The following PKP4 variants were observed in gnomAD, a reference collection of about 807,000 sequenced individuals.
The protein encoded by PKP4 is plakophilin-4.
In PKP4, 90 loss-of-function variants were observed where a neutral mutation model predicts 145.1. That is an observed-to-expected ratio of 0.62 (90% CI 0.52 to 0.74). The LOEUF (loss-of-function observed/expected upper bound fraction) is 0.74. Ranked by LOEUF, PKP4 falls within the 30% of genes least tolerant of loss-of-function variation. PKP4 has a pLI of 0.00. For missense variants in PKP4, 1,340 were observed against 1,482.7 expected (o/e 0.90, Z 1.58); for synonymous variants, 563 against 577.2 (o/e 0.98, Z 0.35).
At chr2:158,663,188 T>C in intron 14 of PKP4, 84 bp from the exon 15 acceptor site, 2 of 1,518,886 alleles carry the variant, frequency 1.3e-6, no homozygotes, top group Admixed American at 3.7e-5. Flanking sequence ...TAGCTATAGC[T>C]GAGTCCCGCA....
intron 1 of PKP4, among the ~76,000 whole-genome samples, chr2:158,463,253 G>A (rs551707593): frequency 2.6e-5 from 4 of 152,218 alleles, no homozygotes; most frequent in Non-Finnish European, 4.4e-5. Context: ...CAATTATTGC[G>A]TTTGTAATCC....
At chr2:158,649,884 G>T (rs865914981) in intron 11 of PKP4, among the ~76,000 whole-genome samples, 1 of 152,210 alleles carries the variant, frequency 6.6e-6, no homozygotes, top group African/African-American at 2.4e-5. Context: ...ATGCTCTATA[G>T]CTTGCAGCTG....
chr2:158,617,930 C>G (rs1443801900), intron 4 of PKP4, among the ~76,000 whole-genome samples: 2 of 152,210 alleles, frequency 1.3e-5, no homozygotes, highest in Non-Finnish European at 2.9e-5. Context: ...CGCCTGTAAT[C>G]CCAGCACTTT....
At chr2:158,593,416 A>G (rs1348484305) in intron 3 of PKP4, among the ~76,000 whole-genome samples, 2 of 152,226 alleles carry the variant, frequency 1.3e-5, no homozygotes, top group Non-Finnish European at 2.9e-5. Context: ...GGGCATAAAC[A>G]GAAGTCATGT....
chr2:158,484,540 G>C (rs1014209402), intron 1 of PKP4, among the ~76,000 whole-genome samples: 3 of 152,128 alleles, frequency 2.0e-5, no homozygotes, highest in African/African-American at 7.2e-5. Flanking sequence ...TTTCTCCTTT[G>C]TTTGCATACT....
chr2:158,611,251 T>C (rs1019876764), intron 4 of PKP4, among the ~76,000 whole-genome samples: 22 of 152,196 alleles, frequency 1.4e-4, no homozygotes, highest in African/African-American at 4.3e-4. Context: ...CTGCATTCAT[T>C]TATTGTATAA....
intron 15 of PKP4, 44 bp downstream of exon 15, chr2:158,663,489 A>G (rs766841401): frequency 4.6e-6 from 7 of 1,512,076 alleles, no homozygotes; most frequent in Middle Eastern, 1.7e-4. Context: ...CATCTTTGCA[A>G]ACTAACTTGA....
At position 158,537,312 on chromosome 2, in the gene PKP4, T is replaced by A. The variant is rs148302374; in HGVS notation, c.132+3996T>A. Among the ~76,000 whole-genome samples, 374 of 152,338 alleles carry A rather than the reference T, an allele frequency of 2.5e-3. 2 individuals are homozygous for A. The highest frequency in any genetic ancestry group is 8.4e-3 in the African/African-American group (348 of 41,584). Reference sequence around the variant, plus strand: ...CTATGGTCAAATAATGACATAGGTGTCATAACTTTCATCTCCCGTCTGTCC... The same window carrying A: ...CTATGGTCAAATAATGACATAGGTGACATAACTTTCATCTCCCGTCTGTCC... On this transcript the variant is annotated intron_variant, in intron 2 of 21. Transcript: ENST00000389759.
chr2:158,510,921 C>A (rs1296717316), intron 1 of PKP4, among the ~76,000 whole-genome samples: 1 of 152,248 alleles, frequency 6.6e-6, no homozygotes, highest in Non-Finnish European at 1.5e-5. Context: ...TGATCTCTAC[C>A]ACTGCATCTG....
At chr2:158,597,211 T>C (rs1392213302) in intron 3 of PKP4, among the ~76,000 whole-genome samples, 2 of 152,196 alleles carry the variant, frequency 1.3e-5, no homozygotes, top group East Asian at 1.9e-4. Context: ...ATACGATATA[T>C]GCAGTAAACA....
chr2:158,623,784 C>T (rs1488748393), intron 6 of PKP4, among the ~76,000 whole-genome samples: 2 of 152,212 alleles, frequency 1.3e-5, no homozygotes, highest in Non-Finnish European at 2.9e-5. Flanking sequence ...TTGATGACAA[C>T]TAGACTCTAG....
At chr2:158,459,070 A>G (rs1240145548) in intron 1 of PKP4, among the ~76,000 whole-genome samples, 1 of 152,214 alleles carries the variant, frequency 6.6e-6, no homozygotes, top group Non-Finnish European at 1.5e-5. Context: ...TTTGACAGAA[A>G]ATGGTTCGCT....
At chr2:158,554,684 C>T (rs1451773657) in intron 2 of PKP4, among the ~76,000 whole-genome samples, 1 of 152,168 alleles carries the variant, frequency 6.6e-6, no homozygotes, top group Non-Finnish European at 1.5e-5. Flanking sequence ...GTCAGCCTCC[C>T]AAAGTGCTGG....
Position 158,634,161 on chromosome 2 carries a change from C to T in PKP4, c.1434C>T (p.Tyr478=), listed in dbSNP as rs138867569. ...ATGCTCTGAACACAACAGCTACCTA[C>T]GCGGAGCCCTACAGGCCTATACAAT... is the stretch of plus-strand genomic sequence containing the variant. ...NNYALNTTAT[Y]AEPYRPIQYR... is the part of the protein sequence containing the mutation. The change falls in exon 9 of 22, where the codon TAC becomes TAT. Residue 478 remains tyrosine, a synonymous_variant. Transcript: ENST00000389759. The T allele has an allele frequency of 6.6e-3, 10,658 of 1,613,838 alleles. 56 individuals carry two copies. Among genetic ancestry groups the T allele is most frequent in the Non-Finnish European group, 8.3e-3 (9,743 of 1,179,736 alleles).
chr2:158,596,026 C>CTT (rs11324166), intron 3 of PKP4, among the ~76,000 whole-genome samples: 14 of 147,906 alleles, frequency 9.5e-5, no homozygotes, highest in African/African-American at 2.2e-4. Flanking sequence ...ATGAGTTTAC[C>CTT]TTTTTTTTTT....
intron 2 of PKP4, among the ~76,000 whole-genome samples, chr2:158,547,062 G>T (rs561925425): frequency 2.6e-5 from 4 of 151,962 alleles, no homozygotes; most frequent in Non-Finnish European, 4.4e-5. Context: ...TACATTTTTG[G>T]GCCATGGGGG....
At chr2:158,592,910 G>C (rs183798901) in intron 3 of PKP4, among the ~76,000 whole-genome samples, 61 of 152,196 alleles carry the variant, frequency 4.0e-4, no homozygotes, top group African/African-American at 1.4e-3. Context: ...GTCTCTTACT[G>C]TAGACTGCTA....
intron 4 of PKP4, among the ~76,000 whole-genome samples, chr2:158,610,535 A>G (rs555155431): frequency 6.6e-6 from 1 of 152,192 alleles, no homozygotes; most frequent in Non-Finnish European, 1.5e-5. Flanking sequence ...TTTTAAAGAA[A>G]AACACCAACT....
At chr2:158,606,635 TTACA>T (rs777135232) in intron 4 of PKP4, among the ~76,000 whole-genome samples, 1 of 152,224 alleles carries the variant, frequency 6.6e-6, no homozygotes, top group African/African-American at 2.4e-5. Context: ...CATTTGTGTG[TTACA>T]TACAGTTTTT....
Sources: gnomAD v4.1 joint callset for allele counts (sites outside exome capture counted in the v4.1 genomes callset) on GRCh38, gnomAD v4.1.1 for gene constraint, MANE v1.5 for transcripts, NCBI Gene and HGNC (gene_info 2026-07-23, HGNC 2026-07-21) for gene names.